RAPGEF6: variants seen among roughly 807,000 people sequenced by gnomAD.
RAPGEF6 encodes Rap guanine nucleotide exchange factor 6, also known as PDZ domain containing guanine nucleotide exchange factor (GEF) 2.
A neutral mutation model predicts 171.4 loss-of-function variants in RAPGEF6; 56 were observed. The ratio of observed to expected loss-of-function variants is 0.33; its 90% CI spans 0.26 to 0.41. RAPGEF6 has a LOEUF of 0.41. RAPGEF6 is among the 10% of genes least tolerant of loss of function. The probability of loss-of-function intolerance (pLI) is 1.00; values close to 1 mark genes in which losing one functional copy is unlikely to be tolerated. For synonymous variants in RAPGEF6, 692 were observed against 650.1 expected (o/e 1.06, Z -0.98); for missense variants, 1,674 against 1,921.4 (o/e 0.87, Z 2.41).
intron 14 of RAPGEF6, 152 bp downstream of exon 14, chr5:131,492,430 T>C: frequency 1.4e-6 from 1 of 728,504 alleles, no homozygotes; most frequent in Non-Finnish European, 2.2e-6. Flanking sequence ...CAAATACTTT[T>C]AAAAATAAAC....
chr5:131,570,041 CAAAAAAAAAA>C (rs34729268), intron 4 of RAPGEF6, among the ~76,000 whole-genome samples: 3 of 27,472 alleles, frequency 1.1e-4, no homozygotes, highest in Admixed American at 6.7e-4. Flanking sequence ...GACTCTGTCT[CAAAAAAAAAA>C]AAAAAAAAAA....
At chr5:131,466,544 G>T (rs1181155037) in intron 17 of RAPGEF6, among the ~76,000 whole-genome samples, 1 of 152,088 alleles carries the variant, frequency 6.6e-6, no homozygotes, top group African/African-American at 2.4e-5. Context: ...CTGAATCATG[G>T]GGGTGAGTCT....
chr5:131,502,337 A>G (rs1022427134), intron 11 of RAPGEF6, among the ~76,000 whole-genome samples: 5 of 152,254 alleles, frequency 3.3e-5, no homozygotes, highest in African/African-American at 9.6e-5. Context: ...ACATAAACTA[A>G]AAGTCTGAGG....
At chr5:131,486,915 C>T (rs550683349) in intron 15 of RAPGEF6, among the ~76,000 whole-genome samples, 1 of 152,178 alleles carries the variant, frequency 6.6e-6, no homozygotes, top group Non-Finnish European at 1.5e-5. Context: ...TAAGATCACT[C>T]ATTAGGTCTC....
intron 11 of RAPGEF6, among the ~76,000 whole-genome samples, chr5:131,501,798 T>C (rs2149885101): frequency 6.6e-6 from 1 of 152,282 alleles, no homozygotes; most frequent in Middle Eastern, 3.4e-3. Flanking sequence ...ACTGTGGTGC[T>C]GGTACTGGAA....
intron 4 of RAPGEF6, among the ~76,000 whole-genome samples, chr5:131,565,616 A>G (rs980993138): frequency 6.6e-6 from 1 of 152,220 alleles, no homozygotes; most frequent in African/African-American, 2.4e-5. Flanking sequence ...AAGCTAGAAT[A>G]CTCAAGACAA....
intron 1 of RAPGEF6, among the ~76,000 whole-genome samples, chr5:131,607,657 G>C (rs1764689632): frequency 6.6e-6 from 1 of 152,154 alleles, no homozygotes; most frequent in Non-Finnish European, 1.5e-5. Flanking sequence ...TGGACAGAAT[G>C]AATAAAAGAA....
At chr5:131,569,681 C>G (rs571576476) in intron 4 of RAPGEF6, among the ~76,000 whole-genome samples, 51 of 152,166 alleles carry the variant, frequency 3.4e-4, no homozygotes, top group African/African-American at 1.2e-3. Flanking sequence ...GCTCTATTCT[C>G]AAAAATAAAC....
At chr5:131,585,794 C>A (rs1161052620) in intron 4 of RAPGEF6, among the ~76,000 whole-genome samples, 1 of 152,096 alleles carries the variant, frequency 6.6e-6, no homozygotes, top group African/African-American at 2.4e-5. Flanking sequence ...CCATTGCACC[C>A]CAGCCTGGGC....
At chr5:131,513,833 C>A (rs530580216) in intron 7 of RAPGEF6, among the ~76,000 whole-genome samples, 1 of 152,206 alleles carries the variant, frequency 6.6e-6, no homozygotes, top group Admixed American at 6.5e-5. Flanking sequence ...CACGGAGAAA[C>A]CCTGTCTCTA....
At chr5:131,602,101 A>G (rs1764293474) in intron 3 of RAPGEF6, among the ~76,000 whole-genome samples, 1 of 152,188 alleles carries the variant, frequency 6.6e-6, no homozygotes, top group African/African-American at 2.4e-5. Flanking sequence ...GAATTTGAAC[A>G]TGCACATTTC....
chr5:131,569,071 G>T (rs1561569952), intron 4 of RAPGEF6, among the ~76,000 whole-genome samples: 1 of 152,022 alleles, frequency 6.6e-6, no homozygotes, highest in African/African-American at 2.4e-5. Flanking sequence ...ATTGCTGAAA[G>T]AAATAAAAGA....
At chr5:131,498,768 T>C (rs1266301218) in intron 11 of RAPGEF6, among the ~76,000 whole-genome samples, 161 bp from the exon 12 acceptor site, 1 of 152,204 alleles carries the variant, frequency 6.6e-6, no homozygotes, top group Non-Finnish European at 1.5e-5. Context: ...GAATGCAAAC[T>C]TAATTGTAAT....
intron 16 of RAPGEF6, among the ~76,000 whole-genome samples, chr5:131,473,390 T>C (rs1047888883): frequency 6.6e-6 from 1 of 152,218 alleles, no homozygotes; most frequent in African/African-American, 2.4e-5. Flanking sequence ...CTTTAAAATA[T>C]TTTAGAAATG....
chr5:131,494,495 C>T (rs1306939230), intron 13 of RAPGEF6, among the ~76,000 whole-genome samples: 1 of 152,042 alleles, frequency 6.6e-6, no homozygotes, highest in Non-Finnish European at 1.5e-5. Context: ...AACAGAGTTT[C>T]AATAGGTGAG....
Position 131,426,846 on chromosome 5 carries a change from A to G in RAPGEF6, c.*420T>C, listed in dbSNP as rs1294665970. On this transcript the variant is annotated 3_prime_UTR_variant, in exon 28 of 28. Transcript: ENST00000509018. ...TAATAAGTTATTTTTCAAATATACA[A>G]GAATATCCTTGGTATTGGCAGACAA... 2 of 179,126 alleles carry G rather than the reference A, an allele frequency of 1.1e-5. No homozygotes were observed. Among genetic ancestry groups the G allele is most frequent in the South Asian group, 1.3e-4 (1 of 7,408 alleles). The allele number at this position is 179,126 out of a possible 1,614,324, so 11.1% of individuals were successfully genotyped here.
chr5:131,574,587 C>CTT (rs986689867), intron 4 of RAPGEF6, among the ~76,000 whole-genome samples: 1 of 152,120 alleles, frequency 6.6e-6, no homozygotes, highest in East Asian at 1.9e-4. Context: ...TTTATGCACT[C>CTT]TTTTTTAGTT....
At chr5:131,491,210 G>A (rs1363945258) in intron 14 of RAPGEF6, among the ~76,000 whole-genome samples, 1 of 152,130 alleles carries the variant, frequency 6.6e-6, no homozygotes, top group Non-Finnish European at 1.5e-5. Flanking sequence ...GCTGTCCTGG[G>A]AATTGTAGGC....
intron 27 of RAPGEF6, among the ~76,000 whole-genome samples, chr5:131,428,091 A>G (rs1172311766): frequency 1.3e-5 from 2 of 151,716 alleles, no homozygotes; most frequent in Non-Finnish European, 2.9e-5. Context: ...TGACACAGCA[A>G]GACCTTGTCT....
Sources: gnomAD v4.1 joint callset for allele counts (sites outside exome capture counted in the v4.1 genomes callset) on GRCh38, gnomAD v4.1.1 for gene constraint, MANE v1.5 for transcripts, NCBI Gene and HGNC (gene_info 2026-07-23, HGNC 2026-07-21) for gene names.